The following ANKRD44 variants were observed in gnomAD, a reference collection of about 807,000 sequenced individuals.
ANKRD44 encodes ankyrin repeat domain 44, also known as serine/threonine-protein phosphatase 6 regulatory ankyrin repeat subunit B.
In ANKRD44, 35 loss-of-function variants were observed where a neutral mutation model predicts 116.0. The ratio of observed to expected loss-of-function variants is 0.30; its 90% CI spans 0.23 to 0.40. The LOEUF (loss-of-function observed/expected upper bound fraction) is 0.40, where lower values mean the gene tolerates loss of function less well. Among genes scored for constraint, ANKRD44 ranks in the 10% least tolerant of loss-of-function variants. The probability of loss-of-function intolerance (pLI) is 1.00; values close to 1 mark genes in which losing one functional copy is unlikely to be tolerated. For missense variants in ANKRD44, 1,014 were observed against 1,242.6 expected (o/e 0.82, Z 2.77); for synonymous variants, 435 against 461.8 (o/e 0.94, Z 0.74).
intron 2 of ANKRD44, among the ~76,000 whole-genome samples, chr2:197,180,438 C>T (rs981139970): frequency 1.3e-5 from 2 of 152,158 alleles, no homozygotes; most frequent in African/African-American, 4.8e-5. Context: ...ATTCATCACT[C>T]GTGATCACTG....
At chr2:197,243,383 CAA>C (rs111433595) in intron 1 of ANKRD44, among the ~76,000 whole-genome samples, 3 of 142,822 alleles carry the variant, frequency 2.1e-5, no homozygotes, top group African/African-American at 5.2e-5. Context: ...AGCTTTAGGA[CAA>C]AAAAAAAAAT....
chr2:197,064,055 C>G (rs547809782), intron 16 of ANKRD44, among the ~76,000 whole-genome samples: 18 of 152,276 alleles, frequency 1.2e-4, no homozygotes, highest in African/African-American at 4.1e-4. Context: ...CAGAGAGAAA[C>G]GTCGGGTTAC....
At chr2:197,086,494 T>C (rs1371756558) in intron 13 of ANKRD44, among the ~76,000 whole-genome samples, 186 bp downstream of exon 13, 1 of 152,032 alleles carries the variant, frequency 6.6e-6, no homozygotes, top group Non-Finnish European at 1.5e-5. Flanking sequence ...TGAGTGGAGA[T>C]GCTTTCTTTG....
intron 1 of ANKRD44, among the ~76,000 whole-genome samples, chr2:197,234,436 C>T (rs1039185926): frequency 3.9e-5 from 6 of 152,234 alleles, no homozygotes; most frequent in African/African-American, 1.4e-4. Context: ...AAGCAATCCA[C>T]CCATCTCGGC....
At chr2:197,275,847 A>G (rs2083066271) in intron 1 of ANKRD44, among the ~76,000 whole-genome samples, 1 of 152,126 alleles carries the variant, frequency 6.6e-6, no homozygotes, top group Non-Finnish European at 1.5e-5. Flanking sequence ...AAAGAGGGGG[A>G]AAGAGTTTAT....
intron 2 of ANKRD44, chr2:197,147,794 TTAAG>T: frequency 2.3e-6 from 1 of 432,476 alleles, no homozygotes; most frequent in Non-Finnish European, 4.6e-6. Context: ...CCGTATGGGA[TTAAG>T]TGATTCAGGA....
At chr2:196,970,241 A>G (rs1360748836) in intron 21 of ANKRD44, among the ~76,000 whole-genome samples, 1 of 152,232 alleles carries the variant, frequency 6.6e-6, no homozygotes, top group African/African-American at 2.4e-5. Flanking sequence ...AACCATGGTT[A>G]TTCCTCAGCA....
At chr2:197,009,367 C>T (rs2076256120) in intron 18 of ANKRD44, among the ~76,000 whole-genome samples, 1 of 152,046 alleles carries the variant, frequency 6.6e-6, no homozygotes, top group African/African-American at 2.4e-5. Context: ...GCTGGGATTA[C>T]AGGCATGAGC....
chr2:197,089,952 G>A lies in ANKRD44; in HGVS notation c.1181C>T (p.Ser394Leu), dbSNP rs116733165. The change falls in exon 11 of 28, where the codon TCG (serine) becomes TTG (leucine). Residue 394 changes from serine (S) to leucine (L), a missense_variant and splice_region_variant. Ser to Leu is a moderately radical substitution (Grantham distance 145). Coordinates refer to ENST00000282272, the MANE Select transcript of ANKRD44 (RefSeq NM_001195144.2). Reference sequence around the variant, plus strand: ...TCTCTGCTAACAGATTTACTTACCCGATGATAACAACTTTCTGCAGCAGTC... The same window carrying A: ...TCTCTGCTAACAGATTTACTTACCCAATGATAACAACTTTCTGCAGCAGTC... ...HSDCCRKLLS[S>L]GFEIDTPDKF... 1,732 of 1,613,522 alleles carry A rather than the reference G, an allele frequency of 1.1e-3. 2 individuals carry two copies. The highest frequency in any genetic ancestry group is 1.4e-3 in the Non-Finnish European group (1,638 of 1,179,540).
intron 1 of ANKRD44, among the ~76,000 whole-genome samples, chr2:197,241,843 C>A (rs530322377): frequency 1.7e-4 from 26 of 152,060 alleles, no homozygotes; most frequent in Non-Finnish European, 3.7e-4. Context: ...AAAAGAAACT[C>A]TTTAAAGAGT....
chr2:197,168,417 A>T (rs1259357687), intron 2 of ANKRD44, among the ~76,000 whole-genome samples: 2 of 152,214 alleles, frequency 1.3e-5, no homozygotes, highest in Admixed American at 1.3e-4. Context: ...TTTCAAACTC[A>T]GGGTAACCAG....
chr2:197,193,218 T>C (rs62279233), intron 1 of ANKRD44, among the ~76,000 whole-genome samples: 9,550 of 152,260 alleles, frequency 0.063, 434 homozygotes, highest in Non-Finnish European at 0.093. Context: ...GAACATTTAA[T>C]CCTTTGTTGC....
At chr2:197,156,935 C>G (rs1340075428) in intron 2 of ANKRD44, among the ~76,000 whole-genome samples, 1 of 152,054 alleles carries the variant, frequency 6.6e-6, no homozygotes, top group Non-Finnish European at 1.5e-5. Flanking sequence ...AGTTGCCTGA[C>G]GGGCCTAAGG....
intron 1 of ANKRD44, among the ~76,000 whole-genome samples, chr2:197,297,406 T>C (rs533907248): frequency 4.6e-5 from 7 of 152,314 alleles, no homozygotes; most frequent in African/African-American, 1.7e-4. Flanking sequence ...AGAGCTGAAA[T>C]TGACCTGAGA....
At chr2:197,302,594 T>A (rs575131634) in intron 1 of ANKRD44, 2 of 152,358 alleles carry the variant, frequency 1.3e-5, no homozygotes, top group South Asian at 4.1e-4. Flanking sequence ...TGTTTCACAA[T>A]AATTGGTTGG....
intron 1 of ANKRD44, among the ~76,000 whole-genome samples, chr2:197,237,680 T>C (rs559696360): frequency 1.5e-3 from 225 of 152,344 alleles, no homozygotes; most frequent in African/African-American, 5.0e-3. Flanking sequence ...CCTAATTACA[T>C]GTCCCAGAGC....
Position 197,047,126 on chromosome 2 carries a change from C to A in ANKRD44, c.1651-21859G>T, listed in dbSNP as rs370043017. 1.4e-4 allele frequency among the ~76,000 whole-genome samples: 22 copies of A among 151,982 alleles called. No individual in the cohort carries two copies. The East Asian group carries it at 4.3e-3, about 29-fold the overall frequency. The stretch of plus-strand genomic sequence containing the variant: ...CTCCGCCTCCTGGGTTCAAGCGATT[C>A]TCCTGCCTCAGCCTACCAAGTAGAT... On this transcript the variant is annotated intron_variant, in intron 16 of 27. Transcript: ENST00000282272.
intron 1 of ANKRD44, among the ~76,000 whole-genome samples, chr2:197,217,025 C>G (rs1207059067): frequency 1.3e-5 from 2 of 152,118 alleles, no homozygotes; most frequent in African/African-American, 4.8e-5. Context: ...ACAAAATCAC[C>G]AGCACTCTAA....
intron 2 of ANKRD44, among the ~76,000 whole-genome samples, chr2:197,173,700 A>G (rs1369732626): frequency 6.6e-6 from 1 of 152,144 alleles, no homozygotes; most frequent in African/African-American, 2.4e-5. Flanking sequence ...TTATAATTAA[A>G]TGGATTCAAT....
Sources: allele counts gnomAD v4.1 joint callset (sites outside exome capture counted in the v4.1 genomes callset), GRCh38; gene constraint gnomAD v4.1.1; transcripts MANE v1.5; gene names NCBI Gene and HGNC (gene_info 2026-07-23, HGNC 2026-07-21).